The following LEF1 variants were observed in gnomAD, a reference collection of about 807,000 sequenced individuals.
The protein encoded by LEF1 is lymphoid enhancer-binding factor 1.
LEF1 carries 14 observed loss-of-function variants against 51.2 expected under a neutral mutation model. The ratio of observed to expected loss-of-function variants is 0.27; its 90% CI spans 0.18 to 0.43. The LOEUF (loss-of-function observed/expected upper bound fraction) is 0.43, where lower values mean the gene tolerates loss of function less well. Among genes scored for constraint, LEF1 ranks in the 20% least tolerant of loss-of-function variants. LEF1 has a pLI of 1.00. For missense variants in LEF1, 386 were observed against 512.0 expected (o/e 0.75, Z 2.37); for synonymous variants, 185 against 183.2 (o/e 1.01, Z -0.08).
intron 3 of LEF1, among the ~76,000 whole-genome samples, chr4:108,117,845 C>T (rs886652990): frequency 1.3e-5 from 2 of 152,150 alleles, no homozygotes; most frequent in African/African-American, 4.8e-5. Context: ...TCCCAAGTCC[C>T]CATTTTAGAG....
chr4:108,160,665 G>A (rs1182418964), intron 3 of LEF1, among the ~76,000 whole-genome samples: 1 of 152,218 alleles, frequency 6.6e-6, no homozygotes, highest in Admixed American at 6.5e-5. Flanking sequence ...CTGAGTAGGT[G>A]AAAGTGGTGC....
intron 3 of LEF1, among the ~76,000 whole-genome samples, chr4:108,094,408 G>A (rs145869300): frequency 0.01 from 1,575 of 152,316 alleles, 7 homozygotes; most frequent in Middle Eastern, 0.02. Flanking sequence ...CTGTGGACAC[G>A]AAGTGGGTGC....
Position 108,064,371 on chromosome 4 carries a change from T to C in LEF1, c.1130A>G (p.Lys377Arg). The change falls in exon 10 of 12, where the codon AAG (lysine) becomes AGG (arginine). Residue 377 changes from lysine to arginine, a missense_variant. Coordinates refer to ENST00000265165, the MANE Select transcript of LEF1 (RefSeq NM_016269.5). ...SARDNYGKKK[K>R]RKREKLQESA... is the part of the protein sequence containing the mutation. ...TTCCTGTAGTTTCTCTCTCTTCCTC[T>C]TCTTTTTCTTACCCTGGAAGAAGAG... 1 of 1,611,130 alleles carries C rather than the reference T, an allele frequency of 6.2e-7. No homozygotes were observed. Among genetic ancestry groups the C allele is most frequent in the Non-Finnish European group, 8.5e-7 (1 of 1,177,374 alleles).
rs372432542 is a variant in LEF1, at chr4:108,079,478, G to A, written c.845+14C>T. ...TCCTAAGGCAATCACAGCAGAGCCC[G>A]GGTGGATACTTACACGTGCATTAGG... On this transcript the variant is annotated intron_variant, in intron 7 of 11. Transcript: ENST00000265165. The A allele has an allele frequency of 1.4e-5, 23 of 1,613,888 alleles. No individual in the cohort carries two copies. Among genetic ancestry groups the A allele is most frequent in the Non-Finnish European group, 1.7e-5 (20 of 1,179,852 alleles).
At chr4:108,085,175 G>GAA (rs1484650110) in intron 4 of LEF1, among the ~76,000 whole-genome samples, 20 of 152,242 alleles carry the variant, frequency 1.3e-4, no homozygotes, top group African/African-American at 4.6e-4. Context: ...CACAACCTCT[G>GAA]CCTTCCGGGT....
At chr4:108,116,698 G>T (rs1741866483) in intron 3 of LEF1, among the ~76,000 whole-genome samples, 2 of 152,206 alleles carry the variant, frequency 1.3e-5, no homozygotes, top group African/African-American at 4.8e-5. Context: ...TGTGGTGGGA[G>T]CCTGGATTCT....
chr4:108,069,263 T>G (rs1018021067), intron 9 of LEF1, among the ~76,000 whole-genome samples: 6 of 152,244 alleles, frequency 3.9e-5, no homozygotes, highest in African/African-American at 1.4e-4. Context: ...TAACTCACCA[T>G]GTCCATGGTA....
chr4:108,089,470 T>A (rs555765673), intron 3 of LEF1, among the ~76,000 whole-genome samples: 4 of 152,302 alleles, frequency 2.6e-5, no homozygotes, highest in Admixed American at 2.6e-4. Flanking sequence ...TCACTGATAT[T>A]CATGAGTTAT....
intron 11 of LEF1, among the ~76,000 whole-genome samples, chr4:108,061,618 A>G (rs1369018299): frequency 7.0e-6 from 1 of 142,562 alleles, no homozygotes; most frequent in Non-Finnish European, 1.5e-5. Context: ...CTAAGTGTTC[A>G]GTAATTAAAA....
chr4:108,055,172 C>T (rs1349601396), intron 11 of LEF1, among the ~76,000 whole-genome samples: 4 of 152,138 alleles, frequency 2.6e-5, no homozygotes, highest in Non-Finnish European at 5.9e-5. Context: ...TTCAATTAAG[C>T]TTCATTTTCC....
intron 3 of LEF1, among the ~76,000 whole-genome samples, chr4:108,103,819 G>C (rs569790238): frequency 5.9e-5 from 9 of 152,262 alleles, no homozygotes; most frequent in African/African-American, 2.2e-4. Flanking sequence ...CTAAGTAGTT[G>C]ATGTTTTGAG....
intron 3 of LEF1, among the ~76,000 whole-genome samples, chr4:108,128,834 T>C (rs1423135796): frequency 1.3e-5 from 2 of 152,162 alleles, no homozygotes. Context: ...CAGTTAAATA[T>C]ATTTCCTTTG....
chr4:108,138,546 T>C lies in LEF1; in HGVS notation c.414+25022A>G, dbSNP rs1408835705. ...ACACACACGAGTATGCCTGACAGCT[T>C]ACCTAGCATATACATTTCTACACAA... is the stretch of plus-strand genomic sequence containing the variant. On this transcript the variant is annotated intron_variant, in intron 3 of 11. Coordinates refer to ENST00000265165, the MANE Select transcript of LEF1 (RefSeq NM_016269.5). Among the ~76,000 whole-genome samples the C allele has an allele frequency of 2.0e-5, 3 of 152,112 alleles. No homozygotes were observed. The East Asian group carries it at 5.8e-4, about 30-fold the overall frequency.
chr4:108,148,768 C>T (rs1211336059), intron 3 of LEF1, among the ~76,000 whole-genome samples: 1 of 152,142 alleles, frequency 6.6e-6, no homozygotes, highest in Non-Finnish European at 1.5e-5. Context: ...TATCCTTAAA[C>T]TTTAGGATTA....
At chr4:108,140,685 C>T (rs1292973416) in intron 3 of LEF1, among the ~76,000 whole-genome samples, 1 of 152,202 alleles carries the variant, frequency 6.6e-6, no homozygotes, top group African/African-American at 2.4e-5. Flanking sequence ...TGCGAGGTTA[C>T]TCCTACGCCT....
intron 4 of LEF1, among the ~76,000 whole-genome samples, chr4:108,084,949 A>G (rs1739547518): frequency 6.6e-6 from 1 of 152,164 alleles, no homozygotes; most frequent in Admixed American, 6.5e-5. Context: ...AGTCGCGGGG[A>G]TAAACAAAAT....
intron 3 of LEF1, among the ~76,000 whole-genome samples, chr4:108,114,702 A>T (rs754603019): frequency 2.6e-5 from 4 of 152,240 alleles, no homozygotes; most frequent in Admixed American, 6.5e-5. Context: ...GCCAAAGAGC[A>T]AGGAAAACAC....
intron 3 of LEF1, among the ~76,000 whole-genome samples, chr4:108,119,063 G>A (rs1742009620): frequency 6.6e-6 from 1 of 151,038 alleles, no homozygotes; most frequent in South Asian, 2.1e-4. Context: ...AAAAACACAT[G>A]AAAATAAGAT....
chr4:108,099,193 C>G (rs888688109), intron 3 of LEF1, among the ~76,000 whole-genome samples: 1 of 152,012 alleles, frequency 6.6e-6, no homozygotes, highest in African/African-American at 2.4e-5. Context: ...CCTGTCTTTA[C>G]CTTTTGATGT....
Sources: allele counts gnomAD v4.1 joint callset (sites outside exome capture counted in the v4.1 genomes callset), GRCh38; gene constraint gnomAD v4.1.1; transcripts MANE v1.5; gene names NCBI Gene and HGNC (gene_info 2026-07-23, HGNC 2026-07-21).